Variants in RSL1D1 observed in about 807,000 individuals in gnomAD.
The protein encoded by RSL1D1 is ribosomal L1 domain containing 1, also known as ribosomal L1 domain-containing protein 1.
RSL1D1 carries 34 observed loss-of-function variants against 44.6 expected under a neutral mutation model. That is an observed-to-expected ratio of 0.76 (90% confidence interval 0.58 to 1.02). The LOEUF (loss-of-function observed/expected upper bound fraction) is 1.02. Ranked by LOEUF, RSL1D1 falls within the 50% of genes least tolerant of loss-of-function variation. The pLI is 0.00. For missense variants in RSL1D1, 767 were observed against 568.1 expected, an observed-to-expected ratio of 1.35 and a Z score of -3.56; for synonymous variants, 271 against 207.4, an observed-to-expected ratio of 1.31 and a Z score of -2.63.
chr16:11,842,125 A>G (rs1302511365), intron 5 of RSL1D1, 125 bp from the exon 6 acceptor site: 1 of 733,390 alleles, frequency 1.4e-6, no homozygotes, highest in Non-Finnish European at 2.1e-6. Flanking sequence ...AAAGGTAGAA[A>G]TATTAATCCC....
At chr16:11,843,262 G>A (rs879345292) in intron 5 of RSL1D1, among the ~76,000 whole-genome samples, 2 of 151,482 alleles carry the variant, frequency 1.3e-5, no homozygotes, top group African/African-American at 2.4e-5. Context: ...GTAGAGATGG[G>A]GTTTCACTGT....
rs1055894575 is a variant in RSL1D1, at chr16:11,834,918, C to A, written c.*2869G>T. 1 of 152,038 alleles carries A rather than the reference C, an allele frequency of 6.6e-6. No individual in the cohort carries two copies. Among genetic ancestry groups the A allele is most frequent in the African/African-American group, 2.4e-5 (1 of 41,396 alleles). The allele number at this position is 152,038 out of a possible 1,614,324, so 9.4% of individuals were successfully genotyped here. On this transcript the variant is annotated 3_prime_UTR_variant, in exon 9 of 9. Transcript: ENST00000571133. ...TTGAGCCCAGGAGTTCGAGCCCAGC[C>A]TAGGGAACACAGGGAAAACCCATCT...
intron 5 of RSL1D1, among the ~76,000 whole-genome samples, chr16:11,845,433 A>C (rs1025702784): frequency 1.3e-5 from 2 of 152,222 alleles, no homozygotes; most frequent in African/African-American, 2.4e-5. Flanking sequence ...GTGGCACGAT[A>C]AAGGACAAGC....
rs772626268 is a variant in RSL1D1, at chr16:11,850,293, T to C, written c.231A>G (p.Glu77=). 6.3e-7 allele frequency: 1 copy of C among 1,584,518 alleles called. No individual in the cohort carries two copies. The highest frequency in any genetic ancestry group is 8.5e-7 in the Non-Finnish European group (1 of 1,171,926). The change falls in exon 2 of 9, where the codon GAA becomes GAG. Residue 77 remains glutamate (E), a synonymous_variant. Coordinates refer to ENST00000571133, the MANE Select transcript of RSL1D1 (RefSeq NM_015659.3). ...MVVLWKIPSK[E]LRVRLTLPHS... The stretch of plus-strand genomic sequence containing the variant: ...TCACAACTTACAATCTGACCCTCAG[T>C]TCTTTACTTGGAATTTTCCATAATA...
chr16:11,840,225 A>G (rs762478844), intron 7 of RSL1D1, among the ~76,000 whole-genome samples: 1 of 152,204 alleles, frequency 6.6e-6, no homozygotes, highest in Non-Finnish European at 1.5e-5. Context: ...TATCTAAAGT[A>G]TACAGTTAAG....
chr16:11,837,665 TAAA>T lies in RSL1D1; in HGVS notation c.*119_*121del. ...GCCCCTGGACTACTTATGGAGGTTT[TAAA>T]AAATCTTTTAAGTCCAGGCCTGACG... is the stretch of plus-strand genomic sequence containing the variant. On this transcript the variant is annotated 3_prime_UTR_variant, in exon 9 of 9. Transcript: ENST00000571133. The T allele has an allele frequency of 1.0e-6, 1 of 973,684 alleles. No individual in the cohort carries two copies. The allele number at this position is 973,684 out of a possible 1,614,324, so 60.3% of individuals were successfully genotyped here.
chr16:11,835,821 A>T lies in RSL1D1; in HGVS notation c.*1966T>A, dbSNP rs537440684. ...CTTGCATTCTGACATAATGTAAAAGAGTCTTGGAATATGTCCAGGGTCAAG... is the reference window on the plus strand; with the variant it reads ...CTTGCATTCTGACATAATGTAAAAGTGTCTTGGAATATGTCCAGGGTCAAG... On this transcript the variant is annotated 3_prime_UTR_variant, in exon 9 of 9. Transcript: ENST00000571133. The T allele has an allele frequency of 1.3e-5, 2 of 152,370 alleles. No individual in the cohort carries two copies. Among genetic ancestry groups the T allele is most frequent in the East Asian group, 1.9e-4 (1 of 5,188 alleles). 9.4% of individuals were successfully genotyped at this position (152,370 alleles called of 1,614,324 possible).
chr16:11,846,981 C>A, intron 3 of RSL1D1, 138 bp from the exon 4 acceptor site: 1 of 726,706 alleles, frequency 1.4e-6, no homozygotes, highest in East Asian at 2.5e-5. Flanking sequence ...ACTTGAGGGC[C>A]TAAAATGTGC....
At position 11,837,797 on chromosome 16, in the gene RSL1D1, T is replaced by G. The variant is rs1231983608; in HGVS notation, c.1463A>C (p.Gln488Pro). The G allele has an allele frequency of 1.2e-6, 2 of 1,606,438 alleles. No individual in the cohort carries two copies. The highest frequency in any genetic ancestry group is 2.7e-5 in the African/African-American group (2 of 74,168). The change falls in exon 9 of 9, where the codon CAG becomes CCG. Residue 488 changes from glutamine (Q) to proline (P), a missense_variant. Coordinates refer to ENST00000571133, the MANE Select transcript of RSL1D1 (RefSeq NM_015659.3). ...GTTGAATCACTGACTTTAGGTCGAC[T>G]GGGGTACTTTGGGTTTTTTGGGCCA... The part of the protein sequence containing the change: ...KKWPKKPKVP[Q>P]ST
At chr16:11,851,068 C>A in intron 1 of RSL1D1, 2 of 379,658 alleles carry the variant, frequency 5.3e-6, no homozygotes, top group South Asian at 4.3e-5. Context: ...TAACGGGGAG[C>A]CGAAGGGCCC....
chr16:11,835,686 AT>A lies in RSL1D1; in HGVS notation c.*2100del, dbSNP rs1232663722. The A allele has an allele frequency of 6.6e-6, 1 of 152,204 alleles. No individual in the cohort carries two copies. Among genetic ancestry groups the A allele is most frequent in the African/African-American group, 2.4e-5 (1 of 41,426 alleles). 9.4% of individuals were successfully genotyped at this position (152,204 alleles called of 1,614,324 possible). A position where few individuals can be genotyped will look rare whatever the true frequency, so the allele number is the denominator to read the frequency against. ...TTTTTGGTAAAGATGGGGTTTTGCC[AT>A]ATTGCCCAGGATGGTCTCGAACTCC... On this transcript the variant is annotated 3_prime_UTR_variant, in exon 9 of 9. Coordinates refer to ENST00000571133, the MANE Select transcript of RSL1D1 (RefSeq NM_015659.3).
intron 5 of RSL1D1, among the ~76,000 whole-genome samples, chr16:11,846,034 G>A (rs2053795282): frequency 1.3e-5 from 2 of 150,598 alleles, no homozygotes; most frequent in African/African-American, 4.9e-5. Context: ...CACCTGACCC[G>A]AGAATTGATC....
At chr16:11,839,561 T>C in intron 8 of RSL1D1, 134 bp downstream of exon 8, 1 of 1,049,996 alleles carries the variant, frequency 9.5e-7, no homozygotes, top group Non-Finnish European at 1.3e-6. Flanking sequence ...CAATAAATCA[T>C]GATATGATAA....
Position 11,837,746 on chromosome 16 carries a change from G to T in RSL1D1, c.*41C>A. On this transcript the variant is annotated 3_prime_UTR_variant, in exon 9 of 9. Coordinates refer to ENST00000571133, the MANE Select transcript of RSL1D1 (RefSeq NM_015659.3). ...GATCTGAGTATTTCCAAAAAGCTCT[G>T]GAGGCAGCATTGAGGTTTCCTTCCA... 1 of 1,513,822 alleles carries T rather than the reference G, an allele frequency of 6.6e-7. No homozygotes were observed. The highest frequency in any genetic ancestry group is 9.0e-7 in the Non-Finnish European group (1 of 1,111,354). 93.8% of individuals were successfully genotyped at this position (1,513,822 alleles called of 1,614,324 possible).
intron 7 of RSL1D1, among the ~76,000 whole-genome samples, chr16:11,840,732 G>T (rs1567418355): frequency 1.3e-5 from 2 of 152,190 alleles, no homozygotes; most frequent in Non-Finnish European, 2.9e-5. Flanking sequence ...AGCTCAGGAG[G>T]TATCTGTGAG....
intron 2 of RSL1D1, 78 bp from the exon 3 acceptor site, chr16:11,847,884 A>G: frequency 7.2e-7 from 1 of 1,398,328 alleles, no homozygotes; most frequent in Non-Finnish European, 9.9e-7. Flanking sequence ...AGAATACGCG[A>G]TAAACTTAGT....
At chr16:11,844,731 T>C (rs942274450) in intron 5 of RSL1D1, among the ~76,000 whole-genome samples, 18 of 152,218 alleles carry the variant, frequency 1.2e-4, no homozygotes, top group African/African-American at 4.3e-4. Context: ...GGGGAATCTC[T>C]GGGTGGAAGG....
intron 8 of RSL1D1, among the ~76,000 whole-genome samples, chr16:11,838,979 G>A (rs953680358): frequency 3.3e-5 from 5 of 152,088 alleles, no homozygotes; most frequent in African/African-American, 9.7e-5. Context: ...GAGCACAGCA[G>A]AGACACATGG....
rs891085276 is a variant in RSL1D1 at position 11,850,135 on chromosome 16, T to A, written c.245+144A>T. On this transcript the variant is annotated intron_variant, in intron 2 of 8. Transcript: ENST00000571133. ...AGCCACCACATCAAGCCTCTATGGT[T>A]CTTTTGGACATAGTTGTTTTACTTC... 7.6e-6 allele frequency: 6 copies of A among 784,864 alleles called. No individual in the cohort carries two copies. The African/African-American group carries it at 1.1e-4, about 14-fold the overall frequency. The allele number at this position is 784,864 out of a possible 1,614,324, so 48.6% of individuals were successfully genotyped here. A position where few individuals can be genotyped will look rare whatever the true frequency, so the allele number is the denominator to read the frequency against.
Sources: allele counts gnomAD v4.1 joint callset (sites outside exome capture counted in the v4.1 genomes callset), GRCh38; gene constraint gnomAD v4.1.1; transcripts MANE v1.5; gene names NCBI Gene and HGNC (gene_info 2026-07-23, HGNC 2026-07-21).